The following OPN5 variants were observed in gnomAD, a reference collection of about 807,000 sequenced individuals.
The protein encoded by OPN5 is opsin 5.
OPN5 carries 18 observed loss-of-function variants against 41.7 expected under a neutral mutation model. That is an observed-to-expected ratio of 0.43 (90% CI 0.30 to 0.64). OPN5 has a LOEUF of 0.64. Ranked by LOEUF, OPN5 falls within the 30% of genes least tolerant of loss-of-function variation. The pLI is 0.13. For missense variants in OPN5, 318 were observed against 434.5 expected, an observed-to-expected ratio of 0.73 and a Z score of 2.38; for synonymous variants, 178 against 164.3, an observed-to-expected ratio of 1.08 and a Z score of -0.64.
intron 6 of OPN5, among the ~76,000 whole-genome samples, chr6:47,822,109 CAAAAA>C (rs11284494): frequency 1.1e-5 from 1 of 89,104 alleles, no homozygotes; most frequent in African/African-American, 3.9e-5. Context: ...GACTCTGTCT[CAAAAA>C]AAAAAAAAAA....
chr6:47,793,052 G>C (rs1384446563), intron 3 of OPN5, among the ~76,000 whole-genome samples: 1 of 146,754 alleles, frequency 6.8e-6, no homozygotes, highest in African/African-American at 2.5e-5. Flanking sequence ...GAAATAGCTT[G>C]AATCAAAATT....
chr6:47,822,399 A>T (rs1357047987), intron 6 of OPN5, among the ~76,000 whole-genome samples: 2 of 152,206 alleles, frequency 1.3e-5, no homozygotes, highest in Non-Finnish European at 2.9e-5. Flanking sequence ...AATATGACTT[A>T]GGCTATTGAC....
At chr6:47,795,323 G>A in exon 4 of OPN5, 2 of 1,614,106 alleles carry the variant, frequency 1.2e-6, no homozygotes, top group South Asian at 2.2e-5. Flanking sequence ...TAGGTCTGGG[G>A]GACTACGTAC....
At chr6:47,783,287 A>G (rs532331889) in intron 1 of OPN5, among the ~76,000 whole-genome samples, 2 of 152,232 alleles carry the variant, frequency 1.3e-5, no homozygotes, top group South Asian at 4.1e-4. Flanking sequence ...AAGGTGGGTT[A>G]TGTCTTTAGG....
chr6:47,784,249 G>A (rs1371642789), intron 1 of OPN5, among the ~76,000 whole-genome samples: 2 of 151,996 alleles, frequency 1.3e-5, no homozygotes, highest in Non-Finnish European at 2.9e-5. Context: ...GGACTTGGCC[G>A]TGTGTCTGGT....
intron 6 of OPN5, among the ~76,000 whole-genome samples, chr6:47,814,016 TACTG>T (rs1211054069): frequency 6.6e-6 from 1 of 152,126 alleles, no homozygotes; most frequent in African/African-American, 2.4e-5. Context: ...TCTAAAGTCA[TACTG>T]AATGATATAT....
At chr6:47,809,982 C>T (rs532444393) in intron 5 of OPN5, among the ~76,000 whole-genome samples, 17 of 152,180 alleles carry the variant, frequency 1.1e-4, no homozygotes, top group Non-Finnish European at 2.2e-4. Flanking sequence ...GTGTTCTGTA[C>T]ATTCACTCAC....
At chr6:47,787,601 C>T (rs903488834) in intron 2 of OPN5, among the ~76,000 whole-genome samples, 1 of 152,086 alleles carries the variant, frequency 6.6e-6, no homozygotes, top group Non-Finnish European at 1.5e-5. Context: ...TCAAAAGCCT[C>T]CTTTAAAAAA....
chr6:47,787,222 C>A, intron 2 of OPN5: 13 of 948,478 alleles, frequency 1.4e-5, no homozygotes, highest in Non-Finnish European at 1.6e-5. Flanking sequence ...TGGGGAAGTT[C>A]TGAATTAAGT....
At chr6:47,786,674 T>C (rs1171239644) in intron 2 of OPN5, 40 bp downstream of exon 2, 1 of 1,586,028 alleles carries the variant, frequency 6.3e-7, no homozygotes, top group Admixed American at 1.7e-5. Context: ...GGGTTTAAAC[T>C]ACTCCCCATT....
exon 7 of OPN5, chr6:47,824,145 A>G: frequency 3.0e-6 from 2 of 668,638 alleles, no homozygotes; most frequent in Non-Finnish European, 5.4e-6. Context: ...TATCAAAACA[A>G]TGATGCACCC....
At chr6:47,826,349 C>T (rs1359207966), downstream of OPN5, 1 of 152,162 alleles carries the variant, frequency 6.6e-6, no homozygotes, top group East Asian at 1.9e-4. Context: ...TCCTGCAAAA[C>T]TACTGCAAAA....
chr6:47,795,304 T>G, exon 4 of OPN5: 1 of 1,614,034 alleles, frequency 6.2e-7, no homozygotes, highest in Non-Finnish European at 8.5e-7. Flanking sequence ...TGGACCACCA[T>G]GCCCTTGGTA....
intron 4 of OPN5, among the ~76,000 whole-genome samples, chr6:47,802,065 G>A (rs1365939031): frequency 6.6e-6 from 1 of 152,150 alleles, no homozygotes; most frequent in Non-Finnish European, 1.5e-5. Context: ...CCAACGTTTT[G>A]TGCCCTGCTT....
At chr6:47,803,314 T>C (rs1349500749) in intron 4 of OPN5, among the ~76,000 whole-genome samples, 1 of 152,218 alleles carries the variant, frequency 6.6e-6, no homozygotes, top group African/African-American at 2.4e-5. Context: ...CAATGACAGA[T>C]GGCTCTATAC....
chr6:47,783,123 T>C (rs1251509366), intron 1 of OPN5, among the ~76,000 whole-genome samples: 3 of 152,108 alleles, frequency 2.0e-5, no homozygotes, highest in Non-Finnish European at 4.4e-5. Flanking sequence ...AGAATCCATA[T>C]GTGGCTCGCA....
At chr6:47,819,609 G>A (rs762417585) in intron 6 of OPN5, among the ~76,000 whole-genome samples, 1 of 151,602 alleles carries the variant, frequency 6.6e-6, no homozygotes, top group African/African-American at 2.4e-5. Flanking sequence ...TGTTATTGGC[G>A]TGTTTCCCAT....
chr6:47,824,859 C>T (rs1414654856), downstream of OPN5: 1 of 151,784 alleles, frequency 6.6e-6, no homozygotes, highest in Non-Finnish European at 1.5e-5. Flanking sequence ...TGAAATTATC[C>T]CCATAATTCA....
chr6:47,797,964 C>T (rs9463357), intron 4 of OPN5, among the ~76,000 whole-genome samples: 22,367 of 152,086 alleles, frequency 0.15, 1,756 homozygotes, highest in Middle Eastern at 0.17. Context: ...ATATGAGGTA[C>T]AGCTCAGCAT....
Sources: gnomAD v4.1 joint callset for allele counts (sites outside exome capture counted in the v4.1 genomes callset) on GRCh38, gnomAD v4.1.1 for gene constraint, MANE v1.5 for transcripts, NCBI Gene and HGNC (gene_info 2026-07-23, HGNC 2026-07-21) for gene names.